The following PREP variants were observed in gnomAD, a reference collection of about 807,000 sequenced individuals.
PREP encodes the protein prolyl endopeptidase.
Under a neutral mutation model 87.6 loss-of-function variants are expected in PREP, and 29 were observed. That is an observed-to-expected ratio of 0.33 (90% confidence interval 0.25 to 0.45). The LOEUF is 0.45. Among genes scored for constraint, PREP ranks in the 20% least tolerant of loss-of-function variants. The probability of loss-of-function intolerance (pLI) is 1.00; values close to 1 mark genes in which losing one functional copy is unlikely to be tolerated. For synonymous variants in PREP, 337 were observed against 328.6 expected, an observed-to-expected ratio of 1.03 and a Z score of -0.28; for missense variants, 695 against 886.5, an observed-to-expected ratio of 0.78 and a Z score of 2.74.
chr6:105,366,783 T>C (rs1384574450), intron 6 of PREP, among the ~76,000 whole-genome samples: 1 of 152,214 alleles, frequency 6.6e-6, no homozygotes, highest in Non-Finnish European at 1.5e-5. Flanking sequence ...CGCTACAAGA[T>C]GGCTGAAGCT....
rs1243054234 is a variant in PREP, at chr6:105,397,169, A to G, written c.120+684T>C. ...CAGTGCCCTACAGCCTGGGTGACAG[A>G]GTAAGACTCTGTCTACAAAAAAAAA... On this transcript the variant is annotated intron_variant, in intron 2 of 14. Coordinates refer to ENST00000652536, the MANE Select transcript of PREP (RefSeq NM_002726.5). Among the ~76,000 whole-genome samples, 4 of 138,424 alleles carry G rather than the reference A, an allele frequency of 2.9e-5. No homozygotes were observed. The East Asian group carries it at 6.3e-4, about 22-fold the overall frequency. The allele number at this position is 138,424 out of a possible 152,430, so 90.8% of individuals were successfully genotyped here.
intron 2 of PREP, among the ~76,000 whole-genome samples, chr6:105,391,259 G>T (rs1032431985): frequency 6.6e-6 from 1 of 151,928 alleles, no homozygotes; most frequent in African/African-American, 2.4e-5. Flanking sequence ...GTGGGCGCCT[G>T]TAATTCCAGC....
chr6:105,327,036 C>T (rs1583057356), intron 9 of PREP, among the ~76,000 whole-genome samples: 1 of 152,148 alleles, frequency 6.6e-6, no homozygotes, highest in African/African-American at 2.4e-5. Context: ...TGGTCACATG[C>T]GGTCACTGAA....
At chr6:105,385,625 G>A (rs1772971821) in intron 2 of PREP, among the ~76,000 whole-genome samples, 1 of 152,206 alleles carries the variant, frequency 6.6e-6, no homozygotes, top group Non-Finnish European at 1.5e-5. Flanking sequence ...CTCTAAGGAT[G>A]AAGTTTTTCA....
chr6:105,371,500 C>CAAA lies in PREP; in HGVS notation c.595+1866_595+1868dup, dbSNP rs528772896. ...TGGGTGACACAGTGAGATTCCATCT[C>CAAA]AAAAAAAAAAAAAAAAAAAAAAAAA... On this transcript the variant is annotated intron_variant, in intron 5 of 14. Coordinates refer to ENST00000652536, the MANE Select transcript of PREP (RefSeq NM_002726.5). 4.7e-4 allele frequency among the ~76,000 whole-genome samples: 21 copies of CAAA among 44,766 alleles called. No homozygotes were observed. In the South Asian group the frequency reaches 7.6e-3, roughly 16 times the overall value. 29.4% of individuals were successfully genotyped at this position (44,766 alleles called of 152,430 possible). A position where few individuals can be genotyped will look rare whatever the true frequency, so the allele number is the denominator to read the frequency against.
At chr6:105,402,316 G>A (rs1460546941) in intron 1 of PREP, among the ~76,000 whole-genome samples, 2 of 152,136 alleles carry the variant, frequency 1.3e-5, no homozygotes, top group African/African-American at 4.8e-5. Flanking sequence ...CTGGGACAGG[G>A]TAGGCGCTCA....
At chr6:105,314,718 G>C (rs1409837859) in intron 10 of PREP, among the ~76,000 whole-genome samples, 1 of 152,150 alleles carries the variant, frequency 6.6e-6, no homozygotes, top group Non-Finnish European at 1.5e-5. Context: ...TTCCTGAAGG[G>C]TGGAATCAAC....
chr6:105,292,190 G>GAA (rs1770310880), intron 10 of PREP, among the ~76,000 whole-genome samples: 2 of 152,118 alleles, frequency 1.3e-5, no homozygotes, highest in South Asian at 4.1e-4. Context: ...ATCTAGAATG[G>GAA]TGAATCCTTT....
chr6:105,321,328 G>C (rs149309531), intron 10 of PREP, among the ~76,000 whole-genome samples: 138 of 152,260 alleles, frequency 9.1e-4, no homozygotes, highest in African/African-American at 3.2e-3. Flanking sequence ...ATAAAAAACT[G>C]TAAGTATTTA....
At chr6:105,377,579 T>C in intron 2 of PREP, 60 bp from the exon 3 acceptor site, 1 of 1,548,070 alleles carries the variant, frequency 6.5e-7, no homozygotes, top group South Asian at 1.2e-5. Context: ...TGTGAAATAT[T>C]ATCCACTAAT....
intron 6 of PREP, among the ~76,000 whole-genome samples, chr6:105,364,303 G>A (rs1396600175): frequency 6.6e-6 from 1 of 152,248 alleles, no homozygotes; most frequent in African/African-American, 2.4e-5. Context: ...ACAGCGTGAC[G>A]GAGGGCAACA....
At chr6:105,387,344 G>A (rs536218843) in intron 2 of PREP, among the ~76,000 whole-genome samples, 25 of 152,302 alleles carry the variant, frequency 1.6e-4, no homozygotes, top group African/African-American at 5.8e-4. Context: ...CTGAAAAACT[G>A]CAGATGACTG....
Position 105,288,824 on chromosome 6 carries a change from T to C in PREP, c.1388A>G (p.Asp463Gly). Residue 463 changes from aspartate to glycine, a missense_variant, in exon 11 of 15, where the codon GAT (aspartate) becomes GGT (glycine). Asp to Gly is a moderately conservative substitution (Grantham distance 94). This residue lies in a region of PREP where 517 missense variants were observed against 620.3 expected (regional missense o/e 0.83). Transcript: ENST00000652536. ...FIVHKKGIKLDGSHPAFLYGY... is the reference protein window; with the variant it reads ...FIVHKKGIKLGGSHPAFLYGY... Reference sequence around the variant, plus strand: ...ATATAAGAAAGCTGGATGAGAGCCATCCAATTTTATGCCTTTTTTATGCAC... The same window carrying C: ...ATATAAGAAAGCTGGATGAGAGCCACCCAATTTTATGCCTTTTTTATGCAC... The C allele has an allele frequency of 6.2e-7, 1 of 1,614,120 alleles. No individual in the cohort carries two copies. Among genetic ancestry groups the C allele is most frequent in the Non-Finnish European group, 8.5e-7 (1 of 1,179,960 alleles).
At chr6:105,384,391 G>T (rs955798869) in intron 2 of PREP, among the ~76,000 whole-genome samples, 1 of 152,188 alleles carries the variant, frequency 6.6e-6, no homozygotes, top group African/African-American at 2.4e-5. Context: ...TGGCTGGAAC[G>T]GTGACAGTTA....
intron 2 of PREP, among the ~76,000 whole-genome samples, chr6:105,378,833 G>A (rs1039641134): frequency 1.3e-5 from 2 of 152,142 alleles, no homozygotes; most frequent in African/African-American, 4.8e-5. Flanking sequence ...AGGGAAAAAT[G>A]CATTATTATC....
Position 105,377,122 on chromosome 6 carries a change from C to T in PREP, c.254+264G>A, listed in dbSNP as rs1174410568. The stretch of plus-strand genomic sequence containing the variant: ...CTGTCTATGAATCATCCTATCTCAC[C>T]AATTACTACCGATAAGACGACGATT... On this transcript the variant is annotated intron_variant, in intron 3 of 14. Coordinates refer to ENST00000652536, the MANE Select transcript of PREP (RefSeq NM_002726.5). 2.6e-5 allele frequency among the ~76,000 whole-genome samples: 4 copies of T among 152,314 alleles called. No individual in the cohort carries two copies. The East Asian group carries it at 7.7e-4, about 29-fold the overall frequency.
intron 10 of PREP, chr6:105,302,776 C>A (rs753258536): frequency 4.1e-6 from 2 of 485,704 alleles, no homozygotes; most frequent in Non-Finnish European, 4.0e-6. Context: ...GTTTGAGCAG[C>A]AACTCTTTCT....
chr6:105,371,645 C>G (rs938343653), intron 5 of PREP, among the ~76,000 whole-genome samples: 9 of 151,108 alleles, frequency 6.0e-5, no homozygotes, highest in Non-Finnish European at 4.4e-5. Context: ...GCTTTCAGGG[C>G]AAGGGAGGGA....
chr6:105,366,116 G>T (rs114916012), intron 6 of PREP, among the ~76,000 whole-genome samples: 1 of 152,028 alleles, frequency 6.6e-6, no homozygotes, highest in Non-Finnish European at 1.5e-5. Context: ...TTATCCCGGC[G>T]TGGTGGTCCA....
Sources: gnomAD v4.1 joint callset for allele counts (sites outside exome capture counted in the v4.1 genomes callset) on GRCh38, gnomAD v4.1.1 for gene constraint, gnomAD v4.1.1 regional missense constraint, MANE v1.5 for transcripts, NCBI Gene and HGNC (gene_info 2026-07-23, HGNC 2026-07-21) for gene names.